The following NCALD variants were observed in gnomAD, a reference collection of about 807,000 sequenced individuals.
The protein encoded by NCALD is neurocalcin delta, also known as neurocalcin-delta.
In NCALD, 10 loss-of-function variants were observed where a neutral mutation model predicts 18.6. The observed-to-expected ratio is 0.54, with a 90% CI of 0.33 to 0.91. The LOEUF (loss-of-function observed/expected upper bound fraction) is 0.91, where lower values mean the gene tolerates loss of function less well. NCALD is among the 40% of genes least tolerant of loss of function. The pLI is 0.03. For synonymous variants in NCALD, 88 were observed against 87.4 expected (o/e 1.01, Z -0.04); for missense variants, 184 against 247.6 (o/e 0.74, Z 1.72).
intron 2 of NCALD, among the ~76,000 whole-genome samples, chr8:102,018,677 AT>A (rs1700723484): frequency 6.6e-6 from 1 of 152,138 alleles, no homozygotes; most frequent in Non-Finnish European, 1.5e-5. Flanking sequence ...GATTACATAC[AT>A]TTTTCAAAAT....
chr8:101,763,227 C>T (rs1280023390), intron 1 of NCALD, among the ~76,000 whole-genome samples: 25 of 152,114 alleles, frequency 1.6e-4, no homozygotes, highest in Non-Finnish European at 1.5e-5. Flanking sequence ...CCGGTGGCAG[C>T]AATTCAAATA....
At chr8:101,958,804 T>C (rs907948798) in intron 2 of NCALD, among the ~76,000 whole-genome samples, 2 of 152,202 alleles carry the variant, frequency 1.3e-5, no homozygotes, top group African/African-American at 2.4e-5. Context: ...GGACAGTATA[T>C]GAATGATGCC....
At chr8:102,030,845 C>T (rs1822642687) in intron 1 of NCALD, among the ~76,000 whole-genome samples, 1 of 151,886 alleles carries the variant, frequency 6.6e-6, no homozygotes, top group African/African-American at 2.4e-5. Flanking sequence ...CACTGCACTC[C>T]AGCCTGGGCA....
chr8:102,081,194 AC>A (rs1824514780), intron 1 of NCALD, among the ~76,000 whole-genome samples: 1 of 152,156 alleles, frequency 6.6e-6, no homozygotes, highest in South Asian at 2.1e-4. Flanking sequence ...ATTGTGAAAA[AC>A]AAAAACGAAA....
At chr8:102,030,684 TG>T (rs1189175239) in intron 1 of NCALD, among the ~76,000 whole-genome samples, 2 of 152,156 alleles carry the variant, frequency 1.3e-5, no homozygotes, top group African/African-American at 4.8e-5. Flanking sequence ...AAGACAAGCC[TG>T]GCCAACATGG....
intron 4 of NCALD, among the ~76,000 whole-genome samples, chr8:101,835,566 T>C (rs1394356220): frequency 6.6e-6 from 1 of 152,210 alleles, no homozygotes; most frequent in Non-Finnish European, 1.5e-5. Context: ...ATTCTATGTA[T>C]CCAGCCAACA....
In NCALD at chr8:101,851,150, C is replaced by A. The variant is rs916389991; in HGVS notation, c.-20+35991G>T. ...AACCTGTTATCCCTGGAGAATCTTA[C>A]GAGATTAGTGTTCTTTAGCTTACAT... is the stretch of plus-strand genomic sequence containing the variant. On this transcript the variant is annotated intron_variant, in intron 4 of 6. Coordinates refer to the NCALD transcript ENST00000311028. Among the ~76,000 whole-genome samples, 4 of 152,024 alleles carry A rather than the reference C, an allele frequency of 2.6e-5. No individual in the cohort carries two copies. The East Asian group carries it at 7.7e-4, about 29-fold the overall frequency.
At chr8:102,047,498 G>A (rs1428901201) in intron 1 of NCALD, among the ~76,000 whole-genome samples, 7 of 152,150 alleles carry the variant, frequency 4.6e-5, no homozygotes, top group Admixed American at 4.6e-4. Context: ...TTGAAATGTG[G>A]CTAATGCAAC....
intron 1 of NCALD, among the ~76,000 whole-genome samples, chr8:101,772,461 C>A (rs1229052001): frequency 6.6e-6 from 1 of 152,176 alleles, no homozygotes; most frequent in Non-Finnish European, 1.5e-5. Flanking sequence ...CTTCAGGGAA[C>A]CCCTTGGCTT....
chr8:101,806,504 A>G (rs1193452192), intron 4 of NCALD, among the ~76,000 whole-genome samples: 1 of 152,196 alleles, frequency 6.6e-6, no homozygotes, highest in African/African-American at 2.4e-5. Context: ...ATATCAATAA[A>G]GAGATAGAAA....
chr8:101,854,709 G>T (rs779837137), intron 4 of NCALD, among the ~76,000 whole-genome samples: 12 of 152,066 alleles, frequency 7.9e-5, no homozygotes, highest in South Asian at 4.1e-4. Flanking sequence ...CTGAAATTCA[G>T]GGCTAACACA....
intron 2 of NCALD, among the ~76,000 whole-genome samples, chr8:102,015,184 T>C (rs551932401): frequency 1.3e-5 from 2 of 152,342 alleles, no homozygotes; most frequent in African/African-American, 4.8e-5. Context: ...ATGCCCATTC[T>C]ACTGTCTCAT....
At chr8:101,950,835 C>T (rs1299119423) in intron 2 of NCALD, among the ~76,000 whole-genome samples, 1 of 152,250 alleles carries the variant, frequency 6.6e-6, no homozygotes, top group East Asian at 1.9e-4. Context: ...CCTGCAGTCC[C>T]ATAAGCTAGA....
At chr8:102,040,568 C>T (rs1446579722) in intron 1 of NCALD, among the ~76,000 whole-genome samples, 2 of 152,114 alleles carry the variant, frequency 1.3e-5, no homozygotes, top group African/African-American at 4.8e-5. Context: ...TAACCTGTAG[C>T]TGGGAAAGAA....
chr8:101,793,224 C>A (rs950653180), upstream of NCALD, among the ~76,000 whole-genome samples: 26 of 152,014 alleles, frequency 1.7e-4, no homozygotes, highest in Admixed American at 1.4e-3. Context: ...GTGGCACATG[C>A]CTGTATTCCC....
chr8:101,736,551 T>C lies in NCALD; in HGVS notation c.-19-16903A>G, dbSNP rs144994370. On this transcript the variant is annotated intron_variant, in intron 1 of 3. Coordinates refer to ENST00000220931, the MANE Select transcript of NCALD (RefSeq NM_032041.3). ...ATCCTGGAGGCTCAGAGTGTTGTCT[T>C]AAGGGCACAGAGTTAAACCTGGCCA... Among the ~76,000 whole-genome samples, 873 of 152,326 alleles carry C rather than the reference T, an allele frequency of 5.7e-3. 4 individuals are homozygous for C. Among genetic ancestry groups the C allele is most frequent in the Non-Finnish European group, 9.5e-3 (649 of 68,024 alleles).
chr8:102,033,749 T>C (rs1156830812), intron 1 of NCALD, among the ~76,000 whole-genome samples: 4 of 152,022 alleles, frequency 2.6e-5, no homozygotes, highest in African/African-American at 9.7e-5. Flanking sequence ...TTCTCTGGGG[T>C]GCCTTATTAC....
intron 4 of NCALD, among the ~76,000 whole-genome samples, chr8:101,818,811 A>G (rs771448935): frequency 1.1e-4 from 17 of 151,974 alleles, no homozygotes; most frequent in Non-Finnish European, 2.1e-4. Flanking sequence ...TTCAAGACCA[A>G]CTGGTTAACA....
chr8:101,741,481 CA>C (rs1810181032), intron 1 of NCALD, among the ~76,000 whole-genome samples: 1 of 152,078 alleles, frequency 6.6e-6, no homozygotes. Context: ...AGTATATCAT[CA>C]GAAGCACAAA....
Sources: allele counts gnomAD v4.1 joint callset (sites outside exome capture counted in the v4.1 genomes callset), GRCh38; gene constraint gnomAD v4.1.1; transcripts MANE v1.5; gene names NCBI Gene and HGNC (gene_info 2026-07-23, HGNC 2026-07-21).